RORA: variants seen among roughly 807,000 people sequenced by gnomAD.
RORA encodes nuclear receptor ROR-alpha.
RORA carries 7 observed loss-of-function variants against 69.5 expected under a neutral mutation model. That is an observed-to-expected ratio of 0.10 (90% confidence interval 0.06 to 0.19). The LOEUF is 0.19. Ranked by LOEUF, RORA falls within the 10% of genes least tolerant of loss-of-function variation. The pLI is 1.00. For synonymous variants in RORA, 261 were observed against 240.8 expected (o/e 1.08, Z -0.78); for missense variants, 457 against 663.0 (o/e 0.69, Z 3.41).
chr15:60,745,431 T>C (rs978392372), intron 1 of RORA, among the ~76,000 whole-genome samples: 1 of 152,238 alleles, frequency 6.6e-6, no homozygotes, highest in African/African-American at 2.4e-5. Flanking sequence ...TTGTTTTTAG[T>C]TGCTGAGACC....
intron 1 of RORA, among the ~76,000 whole-genome samples, chr15:60,983,768 A>G (rs1894115443): frequency 6.6e-6 from 1 of 152,188 alleles, no homozygotes; most frequent in Admixed American, 6.5e-5. Context: ...GAATGAATAC[A>G]TACCTCAAAT....
At chr15:60,694,905 A>G (rs998030104) in intron 1 of RORA, among the ~76,000 whole-genome samples, 2 of 152,178 alleles carry the variant, frequency 1.3e-5, no homozygotes, top group Non-Finnish European at 2.9e-5. Flanking sequence ...TTATTTGAAT[A>G]CCTCATTAAT....
chr15:61,038,037 G>A (rs1896550173), intron 1 of RORA, among the ~76,000 whole-genome samples: 1 of 152,048 alleles, frequency 6.6e-6, no homozygotes, highest in African/African-American at 2.4e-5. Context: ...TTAAATGTTT[G>A]TTGTTTCTGT....
chr15:60,726,043 A>G (rs192783363), intron 1 of RORA, among the ~76,000 whole-genome samples: 3 of 152,272 alleles, frequency 2.0e-5, no homozygotes, highest in Admixed American at 2.0e-4. Context: ...TACACACCTG[A>G]TTTCACTTAA....
chr15:61,128,185 CTGTGTGTGTGTATGCACACG>C lies in RORA; in HGVS notation c.166+100848_166+100867del. On this transcript the variant is annotated intron_variant, in intron 1 of 10. Coordinates refer to ENST00000335670, the MANE Select transcript of RORA (RefSeq NM_134261.3). This position sits in a 1 kb window ranked among gnomAD's most constrained non-coding sequence, Gnocchi z 4.5. ...GTATATTTTCCCTATATCATAATTG[CTGTGTGTGTGTATGCACACG>C]TGTGTGTGTGTGTGTGTGTCTGTGT... is the stretch of plus-strand genomic sequence containing the variant. Among the ~76,000 whole-genome samples, 1 of 147,754 alleles carries C rather than the reference CTGTGTGTGTGTATGCACACG, an allele frequency of 6.8e-6. No individual in the cohort carries two copies. The highest frequency in any genetic ancestry group is 1.5e-5 in the Non-Finnish European group (1 of 66,424).
At chr15:60,535,042 G>A (rs989372656) in intron 2 of RORA, among the ~76,000 whole-genome samples, 12 of 152,158 alleles carry the variant, frequency 7.9e-5, no homozygotes, top group Non-Finnish European at 1.2e-4. Context: ...GCCTTTCATC[G>A]TGTAGGCTTT....
intron 1 of RORA, among the ~76,000 whole-genome samples, chr15:60,832,538 C>T (rs181244133): frequency 3.9e-5 from 6 of 152,070 alleles, no homozygotes; most frequent in East Asian, 1.9e-4. Flanking sequence ...GCTCAGACTT[C>T]GATGTAAAGG....
At chr15:60,958,430 G>T (rs1229432590) in intron 1 of RORA, among the ~76,000 whole-genome samples, 1 of 152,072 alleles carries the variant, frequency 6.6e-6, no homozygotes, top group East Asian at 1.9e-4. Flanking sequence ...AGGTGGAGAG[G>T]AAAGTGGGAT....
At chr15:60,849,880 A>G (rs2073305552) in intron 1 of RORA, among the ~76,000 whole-genome samples, 1 of 152,156 alleles carries the variant, frequency 6.6e-6, no homozygotes, top group South Asian at 2.1e-4. Flanking sequence ...ACACAAAGGG[A>G]AGAATCTCTT....
chr15:61,180,596 CT>C (rs2079675125), intron 1 of RORA, among the ~76,000 whole-genome samples: 1 of 152,198 alleles, frequency 6.6e-6, no homozygotes, highest in African/African-American at 2.4e-5. Flanking sequence ...TCCCTGAATT[CT>C]TCTTTTAAAG....
chr15:60,949,422 G>C (rs1255037543), intron 1 of RORA, among the ~76,000 whole-genome samples: 1 of 152,102 alleles, frequency 6.6e-6, no homozygotes. Context: ...TGCCCAAATC[G>C]TGTTCCCTCC....
At chr15:60,826,471 A>G (rs1233333106) in intron 1 of RORA, among the ~76,000 whole-genome samples, 1 of 152,148 alleles carries the variant, frequency 6.6e-6, no homozygotes, top group African/African-American at 2.4e-5. Flanking sequence ...ACTGAGGACT[A>G]TTCAGGGACT....
intron 2 of RORA, among the ~76,000 whole-genome samples, chr15:60,563,045 T>A (rs1040247515): frequency 2.6e-5 from 4 of 152,190 alleles, no homozygotes; most frequent in African/African-American, 9.7e-5. Flanking sequence ...ATAAATGCTA[T>A]ACTTAATCAT....
chr15:60,922,643 A>G (rs1892087073), intron 1 of RORA, among the ~76,000 whole-genome samples: 1 of 152,248 alleles, frequency 6.6e-6, no homozygotes, highest in Non-Finnish European at 1.5e-5. Context: ...TTCTTAATTA[A>G]TTCAATGTCT....
intron 1 of RORA, among the ~76,000 whole-genome samples, chr15:60,863,255 G>A (rs2073451771): frequency 6.6e-6 from 1 of 152,098 alleles, no homozygotes; most frequent in Non-Finnish European, 1.5e-5. Context: ...GACCTTTCAG[G>A]AACAAAACAA....
chr15:60,959,331 T>G (rs1244231071), intron 1 of RORA, among the ~76,000 whole-genome samples: 3 of 152,200 alleles, frequency 2.0e-5, no homozygotes, highest in Admixed American at 1.3e-4. Context: ...TTCAAGTATG[T>G]GGCATCTTAG....
intron 1 of RORA, among the ~76,000 whole-genome samples, chr15:61,100,929 G>T (rs180860760): frequency 4.4e-4 from 67 of 152,298 alleles, no homozygotes; most frequent in Admixed American, 3.3e-3. Context: ...AGACCACCCT[G>T]TATATAACTC....
chr15:60,766,573 G>T (rs541616266), intron 1 of RORA, among the ~76,000 whole-genome samples: 1 of 152,226 alleles, frequency 6.6e-6, no homozygotes, highest in East Asian at 1.9e-4. Context: ...TCCCTGTATA[G>T]ATGTGTGTAC....
At chr15:60,947,908 G>T (rs922296203) in intron 1 of RORA, among the ~76,000 whole-genome samples, 1 of 152,148 alleles carries the variant, frequency 6.6e-6, no homozygotes, top group African/African-American at 2.4e-5. Flanking sequence ...GCAGCTATTT[G>T]TGGGCATCAG....
Sources: allele counts gnomAD v4.1 joint callset (sites outside exome capture counted in the v4.1 genomes callset), GRCh38; gene constraint gnomAD v4.1.1; non-coding constraint Gnocchi (gnomAD v3.1); transcripts MANE v1.5; gene names NCBI Gene and HGNC (gene_info 2026-07-23, HGNC 2026-07-21).